Variants in ZC4H2 observed in about 807,000 individuals in gnomAD.
ZC4H2 encodes the protein zinc finger C4H2-type containing.
For synonymous variants in ZC4H2, 84 were observed against 66.3 expected, an observed-to-expected ratio of 1.27 and a Z score of -1.30; for missense variants, 137 against 173.9, an observed-to-expected ratio of 0.79 and a Z score of 1.19.
At chrX:64,954,340 T>TTATATATATATA (rs1230242512) in intron 1 of ZC4H2, among the ~76,000 whole-genome samples, 3 of 70,703 alleles carry the variant, frequency 4.2e-5, no homozygotes, top group African/African-American at 2.6e-4. Flanking sequence ...ATATATATAA[T>TTATATATATATA]TATATATATA....
chrX:64,945,194 G>T (rs1013050131), intron 1 of ZC4H2, among the ~76,000 whole-genome samples: 2 of 112,523 alleles, frequency 1.8e-5, no homozygotes, highest in African/African-American at 6.5e-5. Flanking sequence ...TTTTGCACTG[G>T]TTTTTCCTCA....
At chrX:64,948,123 C>A (rs1205573034) in intron 1 of ZC4H2, among the ~76,000 whole-genome samples, 2 of 111,238 alleles carry the variant, frequency 1.8e-5, no homozygotes, top group African/African-American at 3.3e-5. Flanking sequence ...AGCTAGAGAT[C>A]TTGGTTAAGT....
In ZC4H2 at chrX:65,013,431, C is replaced by T. The variant is rs767306410; in HGVS notation, c.-272+21198G>A. ...GATGAACAGAATATAGCAAAACTCA[C>T]GGGATGTCATTTCCTAGATTAGGTT... is the stretch of plus-strand genomic sequence containing the variant. On this transcript the variant is annotated intron_variant, in intron 1 of 4. Coordinates refer to the ZC4H2 transcript ENST00000337990. Among the ~76,000 whole-genome samples, 6 of 111,888 alleles carry T rather than the reference C, an allele frequency of 5.4e-5. No individual in the cohort carries two copies. In the South Asian group the frequency reaches 2.3e-3, roughly 42 times the overall value.
At chrX:64,976,963 G>T (rs1931969979), upstream of ZC4H2, among the ~76,000 whole-genome samples, 1 of 109,706 alleles carries the variant, frequency 9.1e-6, no homozygotes. Flanking sequence ...TGGGAGGAGG[G>T]AGATGCTGCA....
intron 1 of ZC4H2, among the ~76,000 whole-genome samples, chrX:64,930,792 T>A (rs752573128): frequency 1.8e-5 from 2 of 111,800 alleles, no homozygotes; most frequent in East Asian, 5.6e-4. Flanking sequence ...GATTTTTGAA[T>A]CTATGTTCAT....
At chrX:65,029,133 T>C (rs975553952) in intron 1 of ZC4H2, among the ~76,000 whole-genome samples, 2 of 110,672 alleles carry the variant, frequency 1.8e-5, no homozygotes, top group Non-Finnish European at 1.9e-5. Context: ...AGGAGAAGTG[T>C]CCATGAAAGT....
intron 1 of ZC4H2, among the ~76,000 whole-genome samples, chrX:64,940,167 G>T (rs1041190558): frequency 1.8e-5 from 2 of 111,782 alleles, no homozygotes; most frequent in East Asian, 5.6e-4. Flanking sequence ...CAGTGATGAC[G>T]AGCTTTTCTT....
intron 1 of ZC4H2, among the ~76,000 whole-genome samples, chrX:64,942,023 G>T (rs1358368323): frequency 1.8e-5 from 2 of 110,972 alleles, no homozygotes; most frequent in Middle Eastern, 4.9e-3. Context: ...CCTGGCCCTG[G>T]ACTTTTTTTT....
chrX:64,971,251 A>T (rs1050979985), intron 1 of ZC4H2, among the ~76,000 whole-genome samples: 19 of 112,092 alleles, frequency 1.7e-4, no homozygotes, highest in African/African-American at 5.5e-4. Flanking sequence ...ATGCTTTAGG[A>T]AGGTAGTTCT....
chrX:65,006,237 C>T (rs1392890045), intron 1 of ZC4H2, among the ~76,000 whole-genome samples: 2 of 111,539 alleles, frequency 1.8e-5, no homozygotes, highest in African/African-American at 3.3e-5. Context: ...ATAAATCATT[C>T]TACTATAAAG....
intron 1 of ZC4H2, among the ~76,000 whole-genome samples, chrX:64,985,917 T>A (rs1000473797): frequency 8.9e-6 from 1 of 111,892 alleles, no homozygotes; most frequent in Non-Finnish European, 1.9e-5. Context: ...TTAGTGGGCA[T>A]CAAAGCTGGA....
At chrX:64,987,966 T>C (rs1932225081) in intron 1 of ZC4H2, among the ~76,000 whole-genome samples, 1 of 98,350 alleles carries the variant, frequency 1.0e-5, no homozygotes, top group Admixed American at 1.2e-4. Context: ...CTCCCACCTA[T>C]GAGTGAGAAC....
At chrX:64,928,892 C>CT (rs554811111) in intron 1 of ZC4H2, among the ~76,000 whole-genome samples, 6,753 of 91,614 alleles carry the variant, frequency 0.074, 871 homozygotes, top group African/African-American at 0.26. Flanking sequence ...CTTTCTCCTT[C>CT]TTTTTTTTTT....
intron 1 of ZC4H2, among the ~76,000 whole-genome samples, chrX:65,012,116 G>T (rs1487213722): frequency 6.7e-5 from 7 of 104,417 alleles, no homozygotes; most frequent in African/African-American, 1.0e-4. Flanking sequence ...TAATCCTAGC[G>T]ACTTGGGAGG....
intron 1 of ZC4H2, among the ~76,000 whole-genome samples, chrX:65,005,546 AC>A (rs1463949350): frequency 2.7e-5 from 3 of 109,713 alleles, no homozygotes; most frequent in Non-Finnish European, 5.6e-5. Context: ...TACACCTTAT[AC>A]AAAAATTAAC....
In ZC4H2 at chrX:64,936,022, T is replaced by C. The variant is rs750362318; in HGVS notation, c.54-14034A>G. Among the ~76,000 whole-genome samples the C allele has an allele frequency of 2.7e-5, 3 of 109,708 alleles. No individual in the cohort carries two copies. In the South Asian group the frequency reaches 1.2e-3, roughly 43 times the overall value. ...ACACAATGCAAGGAAGCTAAGAACATTGAAAAAGGTTAGAGGAATTGCTAA... is the reference window on the plus strand; with the variant it reads ...ACACAATGCAAGGAAGCTAAGAACACTGAAAAAGGTTAGAGGAATTGCTAA... On this transcript the variant is annotated intron_variant, in intron 1 of 4. Coordinates refer to ENST00000374839, the MANE Select transcript of ZC4H2 (RefSeq NM_018684.4).
chrX:64,921,785 G>A, intron 2 of ZC4H2, 32 bp downstream of exon 2: 1 of 1,201,171 alleles, frequency 8.3e-7, no homozygotes, highest in South Asian at 1.8e-5. Flanking sequence ...TTTCTCAAAG[G>A]CTTTAGAGAT....
At position 65,018,390 on chromosome X, in the gene ZC4H2, C is replaced by T. The variant is rs1409813851; in HGVS notation, c.-272+16239G>A. 7.1e-5 allele frequency among the ~76,000 whole-genome samples: 8 copies of T among 112,260 alleles called. No individual in the cohort carries two copies. The South Asian group carries it at 3.0e-3, about 42-fold the overall frequency. ...GCAGCCCATGGAGGGCAGGACGAAG[C>T]AGAGTGGGGTGTTGCCTCACCTGGG... On this transcript the variant is annotated intron_variant, in intron 1 of 4. Coordinates refer to the ZC4H2 transcript ENST00000337990.
chrX:64,946,379 G>A (rs1225548060), intron 1 of ZC4H2, among the ~76,000 whole-genome samples: 1 of 110,934 alleles, frequency 9.0e-6, no homozygotes, highest in Non-Finnish European at 1.9e-5. Context: ...CACTTCCTGG[G>A]TAAGGTGACA....
Sources: gnomAD v4.1 joint callset for allele counts (sites outside exome capture counted in the v4.1 genomes callset) on GRCh38, gnomAD v4.1.1 for gene constraint, MANE v1.5 for transcripts, NCBI Gene and HGNC (gene_info 2026-07-23, HGNC 2026-07-21) for gene names.